The following VPS41 variants were observed in gnomAD, a reference collection of about 807,000 sequenced individuals.
The protein encoded by VPS41 is vacuolar protein sorting-associated protein 41 homolog.
In VPS41, 85 loss-of-function variants were observed where a neutral mutation model predicts 130.9. The ratio of observed to expected loss-of-function variants is 0.65; its 90% CI spans 0.55 to 0.78. The LOEUF (loss-of-function observed/expected upper bound fraction) is 0.78, where lower values mean the gene tolerates loss of function less well. Among genes scored for constraint, VPS41 ranks in the 30% least tolerant of loss-of-function variants. The pLI is 0.00. For missense variants in VPS41, 874 were observed against 1,018.7 expected (o/e 0.86, Z 1.93); for synonymous variants, 335 against 332.9 (o/e 1.01, Z -0.07).
intron 4 of VPS41, among the ~76,000 whole-genome samples, chr7:38,855,166 C>T (rs568741475): frequency 7.0e-5 from 10 of 142,232 alleles, no homozygotes; most frequent in African/African-American, 2.3e-4. Context: ...GCTGAGATTG[C>T]GCCACTGCAC....
chr7:38,852,537 T>C (rs1409142508), intron 4 of VPS41, among the ~76,000 whole-genome samples: 1 of 152,220 alleles, frequency 6.6e-6, no homozygotes, highest in African/African-American at 2.4e-5. Flanking sequence ...ATGTCTTGAG[T>C]GGCTAGATGA....
chr7:38,735,473 G>A (rs1236681814), intron 25 of VPS41, among the ~76,000 whole-genome samples: 1 of 151,842 alleles, frequency 6.6e-6, no homozygotes, highest in Non-Finnish European at 1.5e-5. Context: ...TTTGGATGAG[G>A]TATGTGTGTG....
At chr7:38,799,957 A>G (rs1404528392) in intron 7 of VPS41, among the ~76,000 whole-genome samples, 2 of 152,152 alleles carry the variant, frequency 1.3e-5, no homozygotes, top group Non-Finnish European at 2.9e-5. Flanking sequence ...AGAAAGAGGT[A>G]TCTTCAAACT....
intron 14 of VPS41, among the ~76,000 whole-genome samples, chr7:38,768,720 T>G (rs567482995): frequency 6.6e-6 from 1 of 152,336 alleles, no homozygotes; most frequent in South Asian, 2.1e-4. Flanking sequence ...AGAGAAAGAA[T>G]GTCTCCTTTT....
intron 3 of VPS41, 94 bp from the exon 4 acceptor site, chr7:38,862,716 G>C: frequency 1.4e-6 from 1 of 720,700 alleles, no homozygotes; most frequent in Non-Finnish European, 2.3e-6. Context: ...GATGCTTAAT[G>C]CATAAATGAT....
rs189093021 is a variant in VPS41 at position 38,747,292 on chromosome 7, A to C, written c.1927-1679T>G. Among the ~76,000 whole-genome samples, 231 of 152,316 alleles carry C rather than the reference A, an allele frequency of 1.5e-3. 2 individuals are homozygous for C. The highest frequency in any genetic ancestry group is 2.3e-3 in the Non-Finnish European group (158 of 68,018). On this transcript the variant is annotated intron_variant, in intron 22 of 28. Coordinates refer to ENST00000310301, the MANE Select transcript of VPS41 (RefSeq NM_014396.4). ...AGAGGACACGGGATTCAAACAAAAAACCACTGAGAAGCCAACTGAGTGCCT... is the reference window on the plus strand; with the variant it reads ...AGAGGACACGGGATTCAAACAAAAACCCACTGAGAAGCCAACTGAGTGCCT...
intron 3 of VPS41, among the ~76,000 whole-genome samples, chr7:38,867,679 C>CCT (rs1554296866): frequency 1.3e-5 from 2 of 152,142 alleles, no homozygotes; most frequent in Non-Finnish European, 2.9e-5. Context: ...ATGACATCAT[C>CCT]CTCTAAGAAA....
At chr7:38,818,081 C>T (rs868639749) in intron 6 of VPS41, among the ~76,000 whole-genome samples, 199 bp from the exon 7 acceptor site, 3 of 152,094 alleles carry the variant, frequency 2.0e-5, no homozygotes, top group Non-Finnish European at 4.4e-5. Context: ...TTCTCTGAAG[C>T]CAGGTCAAAG....
chr7:38,761,592 CTCTT>C (rs3216973), intron 17 of VPS41, among the ~76,000 whole-genome samples: 35,073 of 151,134 alleles, frequency 0.23, 4,677 homozygotes, highest in East Asian at 0.43. Context: ...CACACACAGC[CTCTT>C]TCTTTCTTTT....
chr7:38,829,876 C>A (rs1418420482), intron 5 of VPS41, among the ~76,000 whole-genome samples: 1 of 152,120 alleles, frequency 6.6e-6, no homozygotes, highest in Admixed American at 6.5e-5. Context: ...ACCACTGGCC[C>A]ACAGAAATCA....
At chr7:38,807,359 T>C (rs961864183) in intron 7 of VPS41, among the ~76,000 whole-genome samples, 2 of 152,094 alleles carry the variant, frequency 1.3e-5, no homozygotes, top group Non-Finnish European at 2.9e-5. Context: ...ATCAAGAAAA[T>C]TGGCTGAAAC....
chr7:38,797,621 T>C (rs1041350145), intron 7 of VPS41, among the ~76,000 whole-genome samples: 1 of 151,992 alleles, frequency 6.6e-6, no homozygotes, highest in African/African-American at 2.4e-5. Flanking sequence ...ACTTAAGGCA[T>C]GCAATCCTGA....
intron 4 of VPS41, among the ~76,000 whole-genome samples, chr7:38,852,456 T>C (rs1048662691): frequency 6.6e-6 from 1 of 152,226 alleles, no homozygotes; most frequent in African/African-American, 2.4e-5. Flanking sequence ...TAAATCTCCT[T>C]GGTTGTGGTC....
chr7:38,748,392 T>C (rs1484309141), intron 22 of VPS41, among the ~76,000 whole-genome samples: 3 of 152,124 alleles, frequency 2.0e-5, no homozygotes, highest in Non-Finnish European at 2.9e-5. Context: ...ATAAGAACCT[T>C]ATCAAATGTA....
At chr7:38,815,951 TACAC>T (rs1317174272) in intron 7 of VPS41, among the ~76,000 whole-genome samples, 2 of 151,418 alleles carry the variant, frequency 1.3e-5, no homozygotes, top group African/African-American at 4.9e-5. Flanking sequence ...TACACATATA[TACAC>T]ACACACACAT....
At position 38,774,102 on chromosome 7, in the gene VPS41, TCATATCTC is replaced by T; in HGVS notation, c.1012+5_1012+12del. The T allele has an allele frequency of 6.3e-7, 1 of 1,585,858 alleles. No homozygotes were observed. The stretch of plus-strand genomic sequence containing the variant: ...TAAAAAAGCATATCAGCCAGATCTT[TCATATCTC>T]CTACCTAAATGATAATCTCTACATT... On this transcript the variant is annotated splice_donor_5th_base_variant and intron_variant, in intron 12 of 28. Transcript: ENST00000310301.
At chr7:38,831,930 GA>G (rs1298398546) in intron 4 of VPS41, among the ~76,000 whole-genome samples, 5 of 152,062 alleles carry the variant, frequency 3.3e-5, no homozygotes, top group Admixed American at 6.5e-5. Context: ...CATTATGGGG[GA>G]AAAAAATCAT....
chr7:38,851,127 G>A (rs901481438), intron 4 of VPS41, among the ~76,000 whole-genome samples: 3 of 152,190 alleles, frequency 2.0e-5, no homozygotes, highest in African/African-American at 7.2e-5. Context: ...CTGAAAAGTT[G>A]GTTCCTGGGC....
rs551221153 is a variant in VPS41, at chr7:38,741,400, T to A, written c.2259+585A>T. On this transcript the variant is annotated intron_variant, in intron 25 of 28. Transcript: ENST00000310301. ...TTAAGATGCTTTGTAATTAGTATAA[T>A]AATTTATATGAAAATAATGAGTTCC... is the stretch of plus-strand genomic sequence containing the variant. 133 of 295,176 alleles carry A rather than the reference T, an allele frequency of 4.5e-4. 3 individuals carry two copies. The highest frequency in any genetic ancestry group is 3.4e-4 in the South Asian group (10 of 29,438). 18.3% of individuals were successfully genotyped at this position (295,176 alleles called of 1,614,324 possible). A position where few individuals can be genotyped will look rare whatever the true frequency, so the allele number is the denominator to read the frequency against.
Sources: allele counts gnomAD v4.1 joint callset (sites outside exome capture counted in the v4.1 genomes callset), GRCh38; gene constraint gnomAD v4.1.1; transcripts MANE v1.5; gene names NCBI Gene and HGNC (gene_info 2026-07-23, HGNC 2026-07-21).